Variants in DPP10 observed in about 807,000 individuals in gnomAD.
DPP10 encodes the protein dipeptidyl peptidase like 10.
In DPP10, 33 loss-of-function variants were observed where a neutral mutation model predicts 120.9. The observed-to-expected ratio is 0.27, with a 90% CI of 0.21 to 0.37. The LOEUF (loss-of-function observed/expected upper bound fraction) is 0.37, where lower values mean the gene tolerates loss of function less well. DPP10 is among the 10% of genes least tolerant of loss of function. DPP10 has a pLI of 1.00. For synonymous variants in DPP10, 337 were observed against 326.1 expected, an observed-to-expected ratio of 1.03 and a Z score of -0.36; for missense variants, 816 against 942.8, an observed-to-expected ratio of 0.87 and a Z score of 1.76.
chr2:115,637,558 C>T (rs1179998933), intron 5 of DPP10, among the ~76,000 whole-genome samples: 1 of 151,968 alleles, frequency 6.6e-6, no homozygotes, highest in African/African-American at 2.4e-5. Context: ...ATAGGTAAAC[C>T]AATGAAATAT....
chr2:115,466,088 C>T (rs2074307932), intron 3 of DPP10, among the ~76,000 whole-genome samples: 1 of 151,350 alleles, frequency 6.6e-6, no homozygotes, highest in Admixed American at 6.6e-5. Flanking sequence ...TTTTTATCAA[C>T]ATCACCAAGA....
At chr2:114,992,195 G>A (rs1015925270) in intron 1 of DPP10, among the ~76,000 whole-genome samples, 3 of 152,214 alleles carry the variant, frequency 2.0e-5, no homozygotes, top group Non-Finnish European at 2.9e-5. Flanking sequence ...ACAAAGGAAA[G>A]ATCTTCTGGG....
chr2:115,467,216 AC>A (rs1187819523), intron 3 of DPP10, among the ~76,000 whole-genome samples: 1 of 152,144 alleles, frequency 6.6e-6, no homozygotes, highest in East Asian at 1.9e-4. Context: ...TTGCACACAC[AC>A]ATGCACATGT....
At chr2:115,691,592 T>C (rs961175001) in intron 7 of DPP10, among the ~76,000 whole-genome samples, 8 of 152,178 alleles carry the variant, frequency 5.3e-5, no homozygotes, top group African/African-American at 1.9e-4. Flanking sequence ...GACAACAGTA[T>C]CTTAATTAAA....
At chr2:115,802,738 G>A (rs1483564524) in intron 19 of DPP10, among the ~76,000 whole-genome samples, 4 of 152,100 alleles carry the variant, frequency 2.6e-5, no homozygotes, top group Admixed American at 2.6e-4. Context: ...TAGTTGAGCG[G>A]TTTTGAGTGA....
intron 19 of DPP10, among the ~76,000 whole-genome samples, chr2:115,814,196 A>C (rs1686972522): frequency 6.6e-6 from 1 of 152,128 alleles, no homozygotes; most frequent in Non-Finnish European, 1.5e-5. Context: ...TGTCAACTTT[A>C]GTGATAAAAA....
At chr2:114,581,511 A>T (rs1406006643) in intron 1 of DPP10, among the ~76,000 whole-genome samples, 1 of 152,110 alleles carries the variant, frequency 6.6e-6, no homozygotes, top group East Asian at 1.9e-4. Flanking sequence ...TTCTATATAC[A>T]TGCAGATAGG....
rs559775147 is a variant in DPP10, at chr2:115,631,388, G to T, written c.442-58299G>T. ...ACTGGATTCATTGATTTTTTGAAGGGTTTTTTGGGTCCCTTTCTCCTTCAG... is the reference window on the plus strand; with the variant it reads ...ACTGGATTCATTGATTTTTTGAAGGTTTTTTTGGGTCCCTTTCTCCTTCAG... On this transcript the variant is annotated intron_variant, in intron 5 of 25. Transcript: ENST00000410059. Among the ~76,000 whole-genome samples, 234 of 151,988 alleles carry T rather than the reference G, an allele frequency of 1.5e-3. 1 individual carries two copies. Among genetic ancestry groups the T allele is most frequent in the African/African-American group, 5.4e-3 (226 of 41,478 alleles).
At chr2:114,897,053 T>C (rs1198444747) in intron 1 of DPP10, among the ~76,000 whole-genome samples, 6 of 152,234 alleles carry the variant, frequency 3.9e-5, no homozygotes, top group Non-Finnish European at 8.8e-5. Flanking sequence ...GATTTGCATA[T>C]ATTGAACCAG....
At chr2:114,467,007 T>C (rs1372933365) in intron 1 of DPP10, among the ~76,000 whole-genome samples, 17 of 140,684 alleles carry the variant, frequency 1.2e-4, no homozygotes, top group African/African-American at 4.6e-4. Context: ...AGCCACTGCC[T>C]CCCAGGGCGA....
intron 1 of DPP10, among the ~76,000 whole-genome samples, chr2:115,207,725 G>A (rs2056243069): frequency 6.6e-6 from 1 of 152,082 alleles, no homozygotes; most frequent in South Asian, 2.1e-4. Flanking sequence ...ATTGCAGAAA[G>A]CTATGCTAAA....
chr2:114,649,495 C>T (rs1360825973), intron 1 of DPP10, among the ~76,000 whole-genome samples: 3 of 151,924 alleles, frequency 2.0e-5, no homozygotes, highest in Non-Finnish European at 2.9e-5. Context: ...ACTACAGGCA[C>T]CCGCCACCAT....
At chr2:114,965,992 AAAAAAG>A (rs1229704855) in intron 1 of DPP10, among the ~76,000 whole-genome samples, 2 of 150,286 alleles carry the variant, frequency 1.3e-5, no homozygotes, top group Non-Finnish European at 3.0e-5. Context: ...AAAAAAGAAA[AAAAAAG>A]AAAAAGAAAG....
At chr2:115,452,609 C>G (rs1271651680) in intron 3 of DPP10, among the ~76,000 whole-genome samples, 1 of 151,922 alleles carries the variant, frequency 6.6e-6, no homozygotes, top group Admixed American at 6.6e-5. Flanking sequence ...CCCAGCATTT[C>G]CCAGTCTTTC....
chr2:115,520,208 C>A (rs2077723102), intron 4 of DPP10, among the ~76,000 whole-genome samples: 1 of 152,122 alleles, frequency 6.6e-6, no homozygotes, highest in Non-Finnish European at 1.5e-5. Flanking sequence ...GTCCCAGCTA[C>A]TCGGGAGGCT....
intron 19 of DPP10, among the ~76,000 whole-genome samples, chr2:115,795,571 G>C (rs1684444508): frequency 6.6e-6 from 1 of 152,072 alleles, no homozygotes; most frequent in Non-Finnish European, 1.5e-5. Flanking sequence ...TTTTTATCTA[G>C]AGTCTCATCA....
At chr2:115,583,146 T>C (rs1234637484) in intron 5 of DPP10, among the ~76,000 whole-genome samples, 1 of 152,230 alleles carries the variant, frequency 6.6e-6, no homozygotes, top group Non-Finnish European at 1.5e-5. Context: ...CATTTCAAAG[T>C]TGCCTTTCTG....
At chr2:115,677,438 G>C (rs2090351109) in intron 5 of DPP10, among the ~76,000 whole-genome samples, 1 of 151,872 alleles carries the variant, frequency 6.6e-6, no homozygotes, top group Non-Finnish European at 1.5e-5. Context: ...TAACTGACTA[G>C]CATGTAAATG....
chr2:115,831,863 A>T (rs34329127), intron 21 of DPP10, among the ~76,000 whole-genome samples: 13,209 of 152,280 alleles, frequency 0.087, 624 homozygotes, highest in South Asian at 0.14. Context: ...ATGACAAAAC[A>T]ATTTTAATGA....
Sources: allele counts gnomAD v4.1 joint callset (sites outside exome capture counted in the v4.1 genomes callset), GRCh38; gene constraint gnomAD v4.1.1; transcripts MANE v1.5; gene names NCBI Gene and HGNC (gene_info 2026-07-23, HGNC 2026-07-21).